The following AGBL4 variants were observed in gnomAD, a reference collection of about 807,000 sequenced individuals.
The protein encoded by AGBL4 is cytosolic carboxypeptidase 6.
In AGBL4, 58 loss-of-function variants were observed where a neutral mutation model predicts 66.4. The observed-to-expected ratio is 0.87, with a 90% CI of 0.71 to 1.09. AGBL4 has a LOEUF of 1.09. AGBL4 is among the 50% of genes least tolerant of loss of function. The pLI, the probability that AGBL4 is intolerant of heterozygous loss-of-function variation, is 0.00. For synonymous variants in AGBL4, 234 were observed against 222.9 expected (o/e 1.05, Z -0.44); for missense variants, 579 against 631.0 (o/e 0.92, Z 0.88).
At chr1:48,995,669 C>G (rs978771371) in intron 5 of AGBL4, among the ~76,000 whole-genome samples, 11 of 152,140 alleles carry the variant, frequency 7.2e-5, no homozygotes, top group African/African-American at 2.4e-4. Context: ...AAAATGAAAA[C>G]TTTCCTATGG....
At chr1:49,746,603 G>C (rs1651005864) in intron 2 of AGBL4, among the ~76,000 whole-genome samples, 1 of 151,978 alleles carries the variant, frequency 6.6e-6, no homozygotes, top group Non-Finnish European at 1.5e-5. Flanking sequence ...GACATTGTGT[G>C]GGAAGGCAGG....
At chr1:49,973,720 T>C (rs1016153646) in intron 1 of AGBL4, among the ~76,000 whole-genome samples, 2 of 149,020 alleles carry the variant, frequency 1.3e-5, no homozygotes, top group East Asian at 1.9e-4. Context: ...TTATATATTG[T>C]ATATCATTAT....
chr1:49,372,435 C>T (rs978991663), intron 3 of AGBL4, among the ~76,000 whole-genome samples: 2 of 152,064 alleles, frequency 1.3e-5, no homozygotes, highest in Non-Finnish European at 2.9e-5. Flanking sequence ...TTTCAAATTC[C>T]TTTCCCATAA....
intron 8 of AGBL4, among the ~76,000 whole-genome samples, chr1:48,642,633 G>A (rs1313367595): frequency 6.6e-6 from 1 of 152,108 alleles, no homozygotes; most frequent in African/African-American, 2.4e-5. Flanking sequence ...AGGGTAGAGT[G>A]GAAAGTCCAT....
At chr1:48,611,866 C>T (rs1028032849) in intron 9 of AGBL4, among the ~76,000 whole-genome samples, 3 of 152,166 alleles carry the variant, frequency 2.0e-5, no homozygotes, top group Non-Finnish European at 4.4e-5. Flanking sequence ...TTTAAAGCTC[C>T]CTAGTCTGAA....
chr1:49,580,607 T>C (rs1416235763), intron 3 of AGBL4, among the ~76,000 whole-genome samples: 3 of 152,216 alleles, frequency 2.0e-5, no homozygotes, highest in Non-Finnish European at 4.4e-5. Flanking sequence ...CCTCAGCATT[T>C]GCTTGTCTGG....
At chr1:48,893,439 T>C (rs535570369) in intron 5 of AGBL4, among the ~76,000 whole-genome samples, 1 of 151,778 alleles carries the variant, frequency 6.6e-6, no homozygotes, top group Admixed American at 6.6e-5. Flanking sequence ...CCCAGCACTT[T>C]GGGAGGCTGA....
At chr1:48,889,360 A>G (rs1469941020) in intron 5 of AGBL4, among the ~76,000 whole-genome samples, 1 of 152,184 alleles carries the variant, frequency 6.6e-6, no homozygotes, top group African/African-American at 2.4e-5. Context: ...AATTATTGCC[A>G]GCAGGAAGAA....
chr1:49,912,954 C>A (rs1030493359), intron 1 of AGBL4, among the ~76,000 whole-genome samples: 1 of 152,184 alleles, frequency 6.6e-6, no homozygotes. Context: ...TGACTAATCA[C>A]CTCTTAATGG....
intron 3 of AGBL4, among the ~76,000 whole-genome samples, chr1:49,625,869 C>T (rs1645454572): frequency 6.6e-6 from 1 of 151,956 alleles, no homozygotes; most frequent in South Asian, 2.1e-4. Flanking sequence ...AATTTAAGGG[C>T]CATGTAGAGG....
intron 3 of AGBL4, among the ~76,000 whole-genome samples, chr1:49,492,146 A>C (rs1305471278): frequency 6.6e-6 from 1 of 151,860 alleles, no homozygotes; most frequent in East Asian, 1.9e-4. Flanking sequence ...AGGCATTATG[A>C]CATAACATTA....
intron 6 of AGBL4, among the ~76,000 whole-genome samples, chr1:48,860,740 G>A (rs546364067): frequency 3.0e-4 from 46 of 152,296 alleles, no homozygotes; most frequent in Admixed American, 2.7e-3. Context: ...TACTGAAGAT[G>A]TGGGTAGAGG....
At chr1:48,816,114 G>A (rs1033220296) in intron 6 of AGBL4, among the ~76,000 whole-genome samples, 3 of 151,724 alleles carry the variant, frequency 2.0e-5, no homozygotes, top group Non-Finnish European at 2.9e-5. Flanking sequence ...GAGAGAGACA[G>A]ACAGACACAG....
intron 3 of AGBL4, among the ~76,000 whole-genome samples, chr1:49,366,516 C>A (rs1644244792): frequency 6.6e-6 from 1 of 152,128 alleles, no homozygotes; most frequent in Admixed American, 6.5e-5. Flanking sequence ...TTATAACCAT[C>A]ATAAATTATA....
chr1:49,041,424 A>C (rs998802777), intron 5 of AGBL4, among the ~76,000 whole-genome samples: 53 of 152,110 alleles, frequency 3.5e-4, no homozygotes, highest in African/African-American at 1.2e-3. Context: ...TCCAGATGGC[A>C]CAGGTACACC....
intron 11 of AGBL4, among the ~76,000 whole-genome samples, chr1:48,548,611 C>G (rs1015724824): frequency 1.3e-5 from 2 of 152,202 alleles, no homozygotes; most frequent in African/African-American, 4.8e-5. Flanking sequence ...CTGTCCTGCT[C>G]CTCCCCTTGT....
At chr1:49,034,165 C>G (rs1664455948) in intron 5 of AGBL4, among the ~76,000 whole-genome samples, 1 of 152,064 alleles carries the variant, frequency 6.6e-6, no homozygotes, top group African/African-American at 2.4e-5. Flanking sequence ...ATTAAACTAA[C>G]CATCAGACAA....
At chr1:49,143,336 C>A (rs921130272) in intron 4 of AGBL4, among the ~76,000 whole-genome samples, 2 of 152,192 alleles carry the variant, frequency 1.3e-5, no homozygotes, top group African/African-American at 4.8e-5. Flanking sequence ...CAAGAGTTAA[C>A]TCAAGGGTTG....
At chr1:49,208,426 C>T (rs2148249215) in intron 4 of AGBL4, among the ~76,000 whole-genome samples, 1 of 152,192 alleles carries the variant, frequency 6.6e-6, no homozygotes, top group South Asian at 2.1e-4. Context: ...CCTATCACCT[C>T]CACCCACAGC....
Sources: allele counts gnomAD v4.1 joint callset (sites outside exome capture counted in the v4.1 genomes callset), GRCh38; gene constraint gnomAD v4.1.1; transcripts MANE v1.5; gene names NCBI Gene and HGNC (gene_info 2026-07-23, HGNC 2026-07-21).